The following TUBGCP4 variants were observed in gnomAD, a reference collection of about 807,000 sequenced individuals.
TUBGCP4 encodes the protein tubulin gamma complex component 4, also known as gamma-tubulin complex component 4.
In TUBGCP4, 54 loss-of-function variants were observed where a neutral mutation model predicts 91.6. That is an observed-to-expected ratio of 0.59 (90% confidence interval 0.47 to 0.74). TUBGCP4 has a LOEUF of 0.74. TUBGCP4 is among the 30% of genes least tolerant of loss of function. TUBGCP4 has a pLI of 0.00. For synonymous variants in TUBGCP4, 297 were observed against 302.8 expected (o/e 0.98, Z 0.20); for missense variants, 593 against 800.9 (o/e 0.74, Z 3.13).
At chr15:43,380,815 C>T (rs2044274838) in intron 6 of TUBGCP4, among the ~76,000 whole-genome samples, 1 of 152,022 alleles carries the variant, frequency 6.6e-6, no homozygotes, top group Non-Finnish European at 1.5e-5. Flanking sequence ...GTGATTACAA[C>T]AATATGAAAA....
rs2044294034 is a variant in TUBGCP4 at position 43,382,161 on chromosome 15, A to G, written c.522-1142A>G. Among the ~76,000 whole-genome samples the G allele has an allele frequency of 2.6e-5, 4 of 152,038 alleles. No homozygotes were observed. In the South Asian group the frequency reaches 8.3e-4, roughly 32 times the overall value. The stretch of plus-strand genomic sequence containing the variant: ...CAGGAGGTCGAAACTGCAGTGAGCC[A>G]TGATCGTGCTACAGCACTCCAGCCT... On this transcript the variant is annotated intron_variant, in intron 6 of 17. Coordinates refer to ENST00000564079, the MANE Select transcript of TUBGCP4 (RefSeq NM_014444.5).
At chr15:43,405,031 A>C (rs1395902740) in intron 17 of TUBGCP4, 171 bp from the exon 18 acceptor site, 2 of 695,310 alleles carry the variant, frequency 2.9e-6, no homozygotes, top group Admixed American at 3.0e-5. Context: ...CTTTCTCTCT[A>C]AAATGTCTGC....
chr15:43,382,904 G>A (rs1241442010), intron 6 of TUBGCP4, among the ~76,000 whole-genome samples: 1 of 152,102 alleles, frequency 6.6e-6, no homozygotes, highest in African/African-American at 2.4e-5. Flanking sequence ...CTCCCTAAGT[G>A]ATTCCAACAA....
At chr15:43,394,719 C>T (rs1421696884) in intron 9 of TUBGCP4, 2 of 223,102 alleles carry the variant, frequency 9.0e-6, no homozygotes, top group Non-Finnish European at 1.8e-5. Context: ...AGTAAGTTCT[C>T]ATGAGATCTG....
intron 15 of TUBGCP4, 144 bp downstream of exon 15, chr15:43,401,994 G>A (rs762281509): frequency 8.0e-5 from 86 of 1,068,614 alleles, no homozygotes; most frequent in East Asian, 2.2e-4. Flanking sequence ...GTAAAGCGGC[G>A]GGGCATGGTG....
intron 1 of TUBGCP4, 105 bp downstream of exon 1, chr15:43,371,537 G>C: frequency 2.6e-6 from 3 of 1,159,506 alleles, no homozygotes; most frequent in East Asian, 2.4e-5. Context: ...GGCTTCCAGG[G>C]CTGGGGGCGT....
rs908958591 is a variant in TUBGCP4 at position 43,408,729 on chromosome 15, C to T, written c.*3515C>T. ...GCAAAAGGTTCCTAGCCAATGTAAC[C>T]TAGGGAAATAAACTAGATAAACTCC... On this transcript the variant is annotated 3_prime_UTR_variant, in exon 18 of 18. Coordinates refer to ENST00000564079, the MANE Select transcript of TUBGCP4 (RefSeq NM_014444.5). 17 of 651,636 alleles carry T rather than the reference C, an allele frequency of 2.6e-5. No individual in the cohort carries two copies. In the Admixed American group the frequency reaches 3.8e-4, roughly 14 times the overall value. The allele number at this position is 651,636 out of a possible 1,614,324, so 40.4% of individuals were successfully genotyped here.
Position 43,407,868 on chromosome 15 carries a change from G to T in TUBGCP4, c.*2654G>T. ...GGTCAACCTATTAGGCCTGAGCCTT[G>T]GACCACAAGGCCTAACACCTACAGG... On this transcript the variant is annotated 3_prime_UTR_variant, in exon 18 of 18. Coordinates refer to ENST00000564079, the MANE Select transcript of TUBGCP4 (RefSeq NM_014444.5). 7.0e-7 allele frequency: 1 copy of T among 1,438,318 alleles called. No individual in the cohort carries two copies. Among genetic ancestry groups the T allele is most frequent in the Non-Finnish European group, 9.4e-7 (1 of 1,065,474 alleles). 89.1% of individuals were successfully genotyped at this position (1,438,318 alleles called of 1,614,324 possible).
chr15:43,401,999 A>C, intron 15 of TUBGCP4, 149 bp downstream of exon 15: 1 of 994,538 alleles, frequency 1.0e-6, no homozygotes, highest in Non-Finnish European at 1.4e-6. Flanking sequence ...GCGGCGGGGC[A>C]TGGTGGCTCA....
intron 1 of TUBGCP4, among the ~76,000 whole-genome samples, chr15:43,374,730 C>T (rs1045232399): frequency 6.6e-5 from 10 of 152,170 alleles, no homozygotes; most frequent in Admixed American, 2.6e-4. Context: ...GTTCACCAAG[C>T]ATTATTCACA....
intron 9 of TUBGCP4, among the ~76,000 whole-genome samples, chr15:43,392,617 G>T (rs1280973300): frequency 1.3e-5 from 2 of 152,104 alleles, no homozygotes; most frequent in Non-Finnish European, 2.9e-5. Context: ...TCCTGCCTCA[G>T]CCTCCTGAGT....
At chr15:43,375,842 C>T (rs2044196929) in intron 1 of TUBGCP4, among the ~76,000 whole-genome samples, 1 of 152,120 alleles carries the variant, frequency 6.6e-6, no homozygotes, top group Non-Finnish European at 1.5e-5. Context: ...GGGTGGTTGA[C>T]TTATTTTTAA....
Position 43,397,313 on chromosome 15 carries a change from A to T in TUBGCP4, c.1271A>T (p.Glu424Val), listed in dbSNP as rs775549144. ...LHLTIEYHGK[E>V]HKDATQAREG... ...TTGACAATCGAGTATCACGGAAAGG[A>T]GCACAAAGGTTTGCCATTCCTCCCT... is the stretch of plus-strand genomic sequence containing the variant. The change falls in exon 12 of 18, where the codon GAG (glutamate) becomes GTG (valine). Residue 424 changes from glutamate to valine, a missense_variant. By Grantham distance (121) the Glu-to-Val change is moderately radical (BLOSUM62 -2). Transcript: ENST00000564079. The T allele has an allele frequency of 6.2e-7, 1 of 1,613,660 alleles. No individual in the cohort carries two copies. The highest frequency in any genetic ancestry group is 1.3e-5 in the African/African-American group (1 of 74,920).
chr15:43,394,474 TG>T (rs947943666), intron 9 of TUBGCP4: 75 of 152,316 alleles, frequency 4.9e-4, no homozygotes, highest in African/African-American at 1.7e-3. Context: ...ATCATGTTTT[TG>T]GTGTTATGTC....
At chr15:43,404,954 C>A (rs1201103220) in intron 17 of TUBGCP4, 2 of 538,240 alleles carry the variant, frequency 3.7e-6, no homozygotes, top group African/African-American at 1.9e-5. Context: ...AAAACTGATA[C>A]CGAGATTCAG....
chr15:43,395,759 C>A, intron 11 of TUBGCP4, 71 bp downstream of exon 11: 1 of 1,239,310 alleles, frequency 8.1e-7, no homozygotes, highest in Non-Finnish European at 1.2e-6. Flanking sequence ...GCTGCTGACC[C>A]TTTTAAGGCC....
intron 5 of TUBGCP4, among the ~76,000 whole-genome samples, chr15:43,378,759 T>A (rs1419210450): frequency 6.6e-6 from 1 of 152,244 alleles, no homozygotes; most frequent in Admixed American, 6.5e-5. Flanking sequence ...TGTCACTGGC[T>A]GTGTACTAGG....
chr15:43,384,167 T>TCATC (rs2044324023), intron 7 of TUBGCP4, among the ~76,000 whole-genome samples: 1 of 152,202 alleles, frequency 6.6e-6, no homozygotes, highest in Non-Finnish European at 1.5e-5. Flanking sequence ...ATTCATCCAT[T>TCATC]CATCCATCCA....
At chr15:43,383,007 A>G (rs1177554707) in intron 6 of TUBGCP4, among the ~76,000 whole-genome samples, 1 of 152,192 alleles carries the variant, frequency 6.6e-6, no homozygotes, top group East Asian at 1.9e-4. Flanking sequence ...TTATTGCTAT[A>G]AAACAGTTGT....
Sources: allele counts gnomAD v4.1 joint callset (sites outside exome capture counted in the v4.1 genomes callset), GRCh38; gene constraint gnomAD v4.1.1; transcripts MANE v1.5; gene names NCBI Gene and HGNC (gene_info 2026-07-23, HGNC 2026-07-21).